CCSER1: variants seen among roughly 807,000 people sequenced by gnomAD.
CCSER1 encodes the protein coiled-coil serine rich protein 1, also known as serine-rich coiled-coil domain-containing protein 1.
Under a neutral mutation model 82.0 loss-of-function variants are expected in CCSER1, and 41 were observed. The ratio of observed to expected loss-of-function variants is 0.50; its 90% CI spans 0.39 to 0.65. CCSER1 has a LOEUF of 0.65. CCSER1 is among the 30% of genes least tolerant of loss of function. CCSER1 has a pLI of 0.00. For missense variants in CCSER1, 1,119 were observed against 1,064.2 expected, an observed-to-expected ratio of 1.05 and a Z score of -0.72; for synonymous variants, 414 against 383.9, an observed-to-expected ratio of 1.08 and a Z score of -0.92.
Position 91,069,993 on chromosome 4 carries a change from T to A in CCSER1, c.2173-15957T>A, listed in dbSNP as rs932307054. Reference sequence around the variant, plus strand: ...TTAAGTAAACCTTTTTTAATTTTTTTTTTTTTTCCAAGAAATAGTCTTGCT... The same window carrying A: ...TTAAGTAAACCTTTTTTAATTTTTTATTTTTTTCCAAGAAATAGTCTTGCT... On this transcript the variant is annotated intron_variant, in intron 9 of 10. Transcript: ENST00000509176. Among the ~76,000 whole-genome samples the A allele has an allele frequency of 3.3e-5, 5 of 152,028 alleles. No individual in the cohort carries two copies. In the East Asian group the frequency reaches 7.7e-4, roughly 23 times the overall value.
intron 9 of CCSER1, among the ~76,000 whole-genome samples, chr4:91,064,070 A>C (rs982367442): frequency 5.3e-5 from 8 of 152,210 alleles, no homozygotes; most frequent in Non-Finnish European, 1.2e-4. Flanking sequence ...AACCTTGTTT[A>C]AACTATGCCA....
chr4:90,815,915 T>C (rs575660372), intron 8 of CCSER1, 70 bp downstream of exon 8: 38 of 942,722 alleles, frequency 4.0e-5, no homozygotes, highest in Admixed American at 1.1e-4. Context: ...CGCCCTTATT[T>C]ATTAACACCA....
chr4:91,313,227 ATAAT>A (rs1274279104), intron 10 of CCSER1, among the ~76,000 whole-genome samples: 4 of 151,910 alleles, frequency 2.6e-5, no homozygotes, highest in Non-Finnish European at 2.9e-5. Flanking sequence ...ATATTTTTAT[ATAAT>A]TAGTTATAAC....
intron 5 of CCSER1, among the ~76,000 whole-genome samples, chr4:90,522,627 A>G (rs1268421499): frequency 1.3e-5 from 2 of 152,098 alleles, no homozygotes; most frequent in Non-Finnish European, 1.5e-5. Context: ...CCAGCATAAA[A>G]TCATCACTTC....
At chr4:90,201,730 A>C (rs1335754940) in intron 1 of CCSER1, among the ~76,000 whole-genome samples, 2 of 152,120 alleles carry the variant, frequency 1.3e-5, no homozygotes. Flanking sequence ...TTAGAATTAC[A>C]GATGTTCAGA....
intron 10 of CCSER1, among the ~76,000 whole-genome samples, chr4:91,420,577 T>C (rs767070683): frequency 6.6e-6 from 1 of 152,104 alleles, no homozygotes; most frequent in African/African-American, 2.4e-5. Flanking sequence ...CAGGGAACCC[T>C]TATATGATGT....
At chr4:91,549,890 C>G (rs889931955) in intron 10 of CCSER1, among the ~76,000 whole-genome samples, 1 of 151,928 alleles carries the variant, frequency 6.6e-6, no homozygotes, top group African/African-American at 2.4e-5. Flanking sequence ...CTGTGAACTT[C>G]ACTGCCGCTT....
chr4:90,868,064 G>A (rs1033990144), intron 8 of CCSER1, among the ~76,000 whole-genome samples: 5 of 151,914 alleles, frequency 3.3e-5, no homozygotes, highest in Non-Finnish European at 7.4e-5. Flanking sequence ...TTTAATTCTT[G>A]TGGATACAGA....
intron 7 of CCSER1, among the ~76,000 whole-genome samples, chr4:90,806,842 C>G (rs1002577784): frequency 6.6e-6 from 1 of 151,578 alleles, no homozygotes; most frequent in Non-Finnish European, 1.5e-5. Flanking sequence ...TTTGACTGTC[C>G]CCTACTCAAT....
intron 9 of CCSER1, among the ~76,000 whole-genome samples, chr4:91,050,686 T>C (rs1291808608): frequency 6.6e-6 from 1 of 152,124 alleles, no homozygotes; most frequent in East Asian, 1.9e-4. Context: ...TTGCTTCCTT[T>C]GGAAGGAAGC....
chr4:90,822,058 A>G (rs983663981), intron 8 of CCSER1, among the ~76,000 whole-genome samples: 1 of 152,168 alleles, frequency 6.6e-6, no homozygotes, highest in Non-Finnish European at 1.5e-5. Flanking sequence ...AAGAAAGTAT[A>G]TTTGGTATTT....
chr4:90,381,176 C>T (rs989459575), intron 3 of CCSER1, among the ~76,000 whole-genome samples: 5 of 152,194 alleles, frequency 3.3e-5, no homozygotes, highest in African/African-American at 7.2e-5. Flanking sequence ...CAGTGCTGAT[C>T]GTGCCCCACT....
chr4:90,764,691 A>G (rs1401547472), intron 7 of CCSER1, among the ~76,000 whole-genome samples: 2 of 152,168 alleles, frequency 1.3e-5, no homozygotes, highest in East Asian at 3.8e-4. Context: ...ATTATAAGAT[A>G]TAGGACATTT....
intron 10 of CCSER1, among the ~76,000 whole-genome samples, chr4:91,455,443 A>G (rs1051912217): frequency 7.9e-5 from 12 of 152,034 alleles, no homozygotes; most frequent in Admixed American, 7.9e-4. Flanking sequence ...TGCTCTTATA[A>G]AAGAGATTGA....
chr4:90,332,694 A>T (rs1220607151), intron 3 of CCSER1, among the ~76,000 whole-genome samples: 1 of 152,094 alleles, frequency 6.6e-6, no homozygotes, highest in Non-Finnish European at 1.5e-5. Flanking sequence ...AACATATATT[A>T]TCTATATTAT....
intron 4 of CCSER1, among the ~76,000 whole-genome samples, chr4:90,403,316 G>A (rs886519099): frequency 4.0e-5 from 6 of 151,624 alleles, no homozygotes; most frequent in East Asian, 1.9e-4. Flanking sequence ...CGGCTAAAAC[G>A]GTGAAACCCC....
rs17016693 is a variant in CCSER1 at position 90,241,614 on chromosome 4, A to G, written c.-41-66630A>G. ...TAGAAACACTGTTATTCCTTTGACA[A>G]TTTGCTTTGGATTTGTAATCTTTCC... On this transcript the variant is annotated intron_variant, in intron 1 of 10. Transcript: ENST00000509176. Among the ~76,000 whole-genome samples, 1,398 of 152,184 alleles carry G rather than the reference A, an allele frequency of 9.2e-3. 21 individuals are homozygous for G. The highest frequency in any genetic ancestry group is 0.032 in the African/African-American group (1,317 of 41,532).
chr4:90,748,036 TTC>T (rs1413240030), intron 7 of CCSER1, among the ~76,000 whole-genome samples: 1 of 104,360 alleles, frequency 9.6e-6, no homozygotes, highest in Non-Finnish European at 2.1e-5. Flanking sequence ...CCACATTTTC[TTC>T]TTTTTTTTTT....
chr4:90,554,418 C>T (rs1325862361), intron 5 of CCSER1, among the ~76,000 whole-genome samples: 2 of 152,072 alleles, frequency 1.3e-5, no homozygotes, highest in African/African-American at 4.8e-5. Flanking sequence ...ATGTTACACC[C>T]AAAATATGTG....
Sources: gnomAD v4.1 joint callset for allele counts (sites outside exome capture counted in the v4.1 genomes callset) on GRCh38, gnomAD v4.1.1 for gene constraint, MANE v1.5 for transcripts, NCBI Gene and HGNC (gene_info 2026-07-23, HGNC 2026-07-21) for gene names.